Variants in COMMD10 observed in about 807,000 individuals in gnomAD.
The protein encoded by COMMD10 is COMM domain-containing protein 10.
Under a neutral mutation model 28.9 loss-of-function variants are expected in COMMD10, and 33 were observed. That is an observed-to-expected ratio of 1.14 (90% CI 0.87 to 1.53). The LOEUF (loss-of-function observed/expected upper bound fraction) is 1.53. Among genes scored for constraint, COMMD10 ranks in the 40% most tolerant of loss-of-function variants. The pLI is 0.00. For synonymous variants in COMMD10, 110 were observed against 81.7 expected, an observed-to-expected ratio of 1.35 and a Z score of -1.87; for missense variants, 310 against 233.4, an observed-to-expected ratio of 1.33 and a Z score of -2.14.
At chr5:116,128,309 T>A (rs1228174572) in intron 4 of COMMD10, among the ~76,000 whole-genome samples, 1 of 152,054 alleles carries the variant, frequency 6.6e-6, no homozygotes, top group Non-Finnish European at 1.5e-5. Flanking sequence ...CTAACTACTG[T>A]GTTAACAGTT....
intron 4 of COMMD10, among the ~76,000 whole-genome samples, chr5:116,123,683 T>G (rs528942292): frequency 1.3e-5 from 2 of 152,344 alleles, no homozygotes; most frequent in East Asian, 3.9e-4. Flanking sequence ...ATTTCAGCTA[T>G]GAATCTGTCT....
intron 5 of COMMD10, among the ~76,000 whole-genome samples, chr5:116,167,528 C>T (rs1361517294): frequency 1.3e-5 from 2 of 152,066 alleles, no homozygotes; most frequent in East Asian, 3.9e-4. Context: ...AGAGCAACCC[C>T]AAGACACATA....
intron 5 of COMMD10, among the ~76,000 whole-genome samples, chr5:116,202,965 C>T (rs10071066): frequency 0.32 from 48,078 of 151,248 alleles, 10,798 homozygotes; most frequent in African/African-American, 0.64. Context: ...CTTGCCCATG[C>T]CTATGTCCTG....
intron 4 of COMMD10, among the ~76,000 whole-genome samples, chr5:116,121,834 T>A (rs536091147): frequency 6.6e-6 from 1 of 152,092 alleles, no homozygotes; most frequent in African/African-American, 2.4e-5. Context: ...GGGTTATTTG[T>A]TTTTTTCTTG....
At chr5:116,229,351 A>G (rs1328267299) in intron 5 of COMMD10, among the ~76,000 whole-genome samples, 2 of 152,042 alleles carry the variant, frequency 1.3e-5, no homozygotes, top group African/African-American at 4.8e-5. Flanking sequence ...CATTGTTGAT[A>G]ATCCTAGCAG....
intron 5 of COMMD10, among the ~76,000 whole-genome samples, chr5:116,258,365 A>G (rs549107728): frequency 6.6e-6 from 1 of 151,870 alleles, no homozygotes; most frequent in South Asian, 2.1e-4. Context: ...TTTTAAAATT[A>G]TGCATAAATA....
intron 5 of COMMD10, among the ~76,000 whole-genome samples, chr5:116,157,578 G>A (rs932591386): frequency 2.0e-5 from 3 of 152,180 alleles, no homozygotes; most frequent in South Asian, 4.1e-4. Context: ...CAGGCACACC[G>A]TTATTTTCAT....
intron 5 of COMMD10, among the ~76,000 whole-genome samples, chr5:116,155,779 T>G (rs1015876140): frequency 2.0e-5 from 3 of 152,140 alleles, no homozygotes; most frequent in African/African-American, 7.2e-5. Context: ...TTTCTACTCT[T>G]GTAGGCTTTA....
intron 5 of COMMD10, among the ~76,000 whole-genome samples, chr5:116,252,009 AAT>A (rs1401376542): frequency 5.5e-3 from 3 of 550 alleles, no homozygotes; most frequent in Non-Finnish European, 0.025. Context: ...GAAGGTGGCA[AAT>A]CTCATTGTGG....
chr5:116,201,290 T>C (rs936099995), intron 5 of COMMD10, among the ~76,000 whole-genome samples: 2 of 152,154 alleles, frequency 1.3e-5, no homozygotes, highest in Non-Finnish European at 2.9e-5. Flanking sequence ...GCTGGAAGCA[T>C]GAGTGGATTT....
chr5:116,257,199 A>T (rs1463284491), intron 5 of COMMD10, among the ~76,000 whole-genome samples: 1 of 136,058 alleles, frequency 7.3e-6, no homozygotes, highest in Non-Finnish European at 1.5e-5. Context: ...CCCATCACAT[A>T]AGGCCACTTA....
At chr5:116,230,285 A>G (rs781069966) in intron 5 of COMMD10, among the ~76,000 whole-genome samples, 5 of 152,042 alleles carry the variant, frequency 3.3e-5, no homozygotes, top group Admixed American at 2.0e-4. Flanking sequence ...AGCATCTTAA[A>G]ATACCATACT....
intron 5 of COMMD10, among the ~76,000 whole-genome samples, chr5:116,172,917 CTT>C (rs1753384764): frequency 6.6e-6 from 1 of 152,058 alleles, no homozygotes; most frequent in African/African-American, 2.4e-5. Context: ...GAGAGGATGT[CTT>C]TAATAATTTT....
chr5:116,157,393 A>G (rs1027978396), intron 5 of COMMD10, among the ~76,000 whole-genome samples: 4 of 152,152 alleles, frequency 2.6e-5, no homozygotes, highest in African/African-American at 9.7e-5. Context: ...TGGCTGATCC[A>G]AGGCTGACTT....
intron 5 of COMMD10, among the ~76,000 whole-genome samples, chr5:116,156,062 A>G (rs1002885046): frequency 1.3e-5 from 2 of 152,140 alleles, no homozygotes; most frequent in Admixed American, 6.6e-5. Context: ...AGACTTTGTT[A>G]CTAAATAGCT....
chr5:116,137,809 A>G (rs1458437155), intron 5 of COMMD10, among the ~76,000 whole-genome samples: 4 of 151,940 alleles, frequency 2.6e-5, no homozygotes, highest in African/African-American at 7.2e-5. Context: ...TATTAATTTT[A>G]TCACAAAAAC....
At chr5:116,169,981 C>T (rs1561645527) in intron 5 of COMMD10, among the ~76,000 whole-genome samples, 1 of 152,072 alleles carries the variant, frequency 6.6e-6, no homozygotes. Flanking sequence ...ATGGGAAGCC[C>T]TGGCCAGGGC....
At position 116,121,668 on chromosome 5, in the gene COMMD10, G is replaced by A. The variant is rs559285459; in HGVS notation, c.400-12400G>A. 2.9e-3 allele frequency among the ~76,000 whole-genome samples: 442 copies of A among 152,134 alleles called. 1 individual carries two copies. Among genetic ancestry groups the A allele is most frequent in the African/African-American group, 9.2e-3 (383 of 41,500 alleles). ...GTTGTTTCCTGACTTTTTAATGATCGCCATTCTAACTGGCATGAGATGGTA... is the reference window on the plus strand; with the variant it reads ...GTTGTTTCCTGACTTTTTAATGATCACCATTCTAACTGGCATGAGATGGTA... On this transcript the variant is annotated intron_variant, in intron 4 of 6. Coordinates refer to ENST00000274458, the MANE Select transcript of COMMD10 (RefSeq NM_016144.4).
rs201321296 is a variant in COMMD10 at position 116,206,219 on chromosome 5, C to T, written c.510+72041C>T. On this transcript the variant is annotated intron_variant, in intron 5 of 6. Coordinates refer to ENST00000274458, the MANE Select transcript of COMMD10 (RefSeq NM_016144.4). ...AAATTTATTATGGATTTTAGGCCAG[C>T]GGAACTGTTTAAACTTCCTACTCTA... Among the ~76,000 whole-genome samples, 4 of 152,242 alleles carry T rather than the reference C, an allele frequency of 2.6e-5. No individual in the cohort carries two copies. The South Asian group carries it at 6.2e-4, about 24-fold the overall frequency.
Sources: allele counts gnomAD v4.1 joint callset (sites outside exome capture counted in the v4.1 genomes callset), GRCh38; gene constraint gnomAD v4.1.1; transcripts MANE v1.5; gene names NCBI Gene and HGNC (gene_info 2026-07-23, HGNC 2026-07-21).